Variants in POLR3H observed in about 807,000 individuals in gnomAD.
POLR3H encodes DNA-directed RNA polymerase III subunit RPC8.
Under a neutral mutation model 25.5 loss-of-function variants are expected in POLR3H, and 17 were observed. That is an observed-to-expected ratio of 0.67 (90% CI 0.46 to 1.00). The LOEUF is 1.00. Among genes scored for constraint, POLR3H ranks in the 50% least tolerant of loss-of-function variants. The pLI is 0.00. For missense variants in POLR3H, 274 were observed against 265.0 expected (o/e 1.03, Z -0.24); for synonymous variants, 129 against 103.0 (o/e 1.25, Z -1.53).
At position 41,526,095 on chromosome 22, in the gene POLR3H, G is replaced by C. The variant is rs1361842072; in HGVS notation, c.*3188C>G. ...CCTGGCCTGAGCCCATGTGGCCTTA[G>C]GGTGGAAGCACCAGGACCACAGAAC... On this transcript the variant is annotated 3_prime_UTR_variant, in exon 6 of 6. Transcript: ENST00000355209. The C allele has an allele frequency of 1.2e-5, 7 of 607,110 alleles. No homozygotes were observed. In the South Asian group the frequency reaches 1.3e-4, roughly 11 times the overall value. The allele number at this position is 607,110 out of a possible 1,614,324, so 37.6% of individuals were successfully genotyped here.
intron 3 of POLR3H, among the ~76,000 whole-genome samples, chr22:41,532,393 G>A (rs1379690989): frequency 6.6e-6 from 1 of 151,988 alleles, no homozygotes; most frequent in Non-Finnish European, 1.5e-5. Context: ...ACACAACAGG[G>A]GCCAGTGGGC....
At position 41,528,771 on chromosome 22, in the gene POLR3H, T is replaced by TG. The variant is rs1012160138; in HGVS notation, c.*511dup. On this transcript the variant is annotated 3_prime_UTR_variant, in exon 6 of 6. Transcript: ENST00000355209. ...GCCCACGGAGTGACTGTGGTTGTGGTGGGGGGGTTCTTAAAATAACTTTTT... is the reference window on the plus strand; with the variant it reads ...GCCCACGGAGTGACTGTGGTTGTGGTGGGGGGGGTTCTTAAAATAACTTTTT... 117 of 1,100,404 alleles carry TG rather than the reference T, an allele frequency of 1.1e-4. No individual in the cohort carries two copies. The highest frequency in any genetic ancestry group is 4.4e-4 in the East Asian group (16 of 36,526). The allele number at this position is 1,100,404 out of a possible 1,614,324, so 68.2% of individuals were successfully genotyped here. A position where few individuals can be genotyped will look rare whatever the true frequency, so the allele number is the denominator to read the frequency against.
In POLR3H at chr22:41,532,121, G is replaced by C; in HGVS notation, c.332C>G (p.Pro111Arg). ...LGFFDDILIPPESLQQPAKFD... is the reference protein window; with the variant it reads ...LGFFDDILIPRESLQQPAKFD... ...CTTGGCTGGCTGCTGCAGTGACTCT[G>C]GGGGGATGAGAATGTCATCGAAGAA... is the stretch of plus-strand genomic sequence containing the variant. Residue 111 changes from proline to arginine, a missense_variant, in exon 4 of 6, where the codon CCA becomes CGA. Coordinates refer to ENST00000355209, the MANE Select transcript of POLR3H (RefSeq NM_001018050.4). 2 of 1,613,960 alleles carry C rather than the reference G, an allele frequency of 1.2e-6. No homozygotes were observed. The highest frequency in any genetic ancestry group is 2.2e-5 in the South Asian group (2 of 91,080).
intron 5 of POLR3H, among the ~76,000 whole-genome samples, chr22:41,530,171 C>T (rs1187513763): frequency 6.6e-6 from 1 of 151,844 alleles, no homozygotes; most frequent in African/African-American, 2.4e-5. Context: ...ATTGTGTTGC[C>T]CAAGCTGTAA....
At chr22:41,530,105 ATTTC>A (rs2066697695) in intron 5 of POLR3H, among the ~76,000 whole-genome samples, 1 of 150,916 alleles carries the variant, frequency 6.6e-6, no homozygotes, top group Non-Finnish European at 1.5e-5. Context: ...CCCTTCCTTG[ATTTC>A]TTTCTCCCTC....
At chr22:41,534,645 A>G (rs1285953482) in intron 2 of POLR3H, among the ~76,000 whole-genome samples, 3 of 152,096 alleles carry the variant, frequency 2.0e-5, no homozygotes, top group Non-Finnish European at 4.4e-5. Context: ...TAATCCCAGC[A>G]CTTTGGGAGG....
rs912865034 is a variant in POLR3H at position 41,531,033 on chromosome 22, T to TGCA, written c.360-148_360-146dup. The TGCA allele has an allele frequency of 1.3e-5, 10 of 759,026 alleles. No homozygotes were observed. The African/African-American group carries it at 1.7e-4, about 13-fold the overall frequency. 47.0% of individuals were successfully genotyped at this position (759,026 alleles called of 1,614,324 possible). ...ACAGGAAAAGCAGGTCCCAGCCCCA[T>TGCA]GCACAAGGCCTGGGCCAAACAGAGA... On this transcript the variant is annotated intron_variant, in intron 4 of 5. Coordinates refer to ENST00000355209, the MANE Select transcript of POLR3H (RefSeq NM_001018050.4).
chr22:41,532,670 T>A lies in POLR3H; in HGVS notation c.284A>T (p.Glu95Val), dbSNP rs1331602467. Residue 95 changes from glutamate (E) to valine (V), a missense_variant, in exon 3 of 6, where the codon GAA (glutamate) becomes GTA (valine). Transcript: ENST00000355209. ...AGGGCCACTGTTACCGTGCACTCCT[T>A]CTGGGCTGCAGCCTTTGATCTTCCC... is the stretch of plus-strand genomic sequence containing the variant. ...LIGKIKGCSP[E>V]GVHVSLGFFD... is the part of the protein sequence containing the mutation. 1 of 1,613,964 alleles carries A rather than the reference T, an allele frequency of 6.2e-7. No homozygotes were observed. The highest frequency in any genetic ancestry group is 8.5e-7 in the Non-Finnish European group (1 of 1,179,974).
intron 2 of POLR3H, among the ~76,000 whole-genome samples, chr22:41,538,971 C>T (rs921867236): frequency 6.6e-6 from 1 of 152,196 alleles, no homozygotes; most frequent in African/African-American, 2.4e-5. Context: ...CTTGTTAAAA[C>T]AGTCTTTGGG....
intron 4 of POLR3H, 66 bp from the exon 5 acceptor site, chr22:41,530,954 C>T (rs2066718768): frequency 6.6e-7 from 1 of 1,510,506 alleles, no homozygotes. Context: ...CACCCACTCC[C>T]CGACCCCGCA....
rs1203317005 is a variant in POLR3H at position 41,526,634 on chromosome 22, C to A, written c.*2649G>T. ...CCCTGTGGCTGAGAAGGCATGAGGC[C>A]CAGGTCCGGTGGTACAGCCGGGTCC... is the stretch of plus-strand genomic sequence containing the variant. On this transcript the variant is annotated 3_prime_UTR_variant, in exon 6 of 6. Transcript: ENST00000355209. The A allele has an allele frequency of 1.7e-6, 1 of 594,920 alleles. No homozygotes were observed. Among genetic ancestry groups the A allele is most frequent in the East Asian group, 3.0e-5 (1 of 33,326 alleles). 36.9% of individuals were successfully genotyped at this position (594,920 alleles called of 1,614,324 possible).
rs201601310 is a variant in POLR3H at position 41,540,714 on chromosome 22, C to A, written c.193G>T (p.Ala65Ser). ...EDAYVFPGDG[A>S]SHTKVHFRCV... ...AGATACCCACCTTTGGTGTGTGATG[C>A]GCCATCCCCAGGGAATACATAGGCA... The change falls in exon 2 of 6, where the codon GCA becomes TCA. Residue 65 changes from alanine to serine, a missense_variant. Transcript: ENST00000355209. The A allele has an allele frequency of 3.1e-6, 5 of 1,612,970 alleles. No homozygotes were observed. Among genetic ancestry groups the A allele is most frequent in the Non-Finnish European group, 4.2e-6 (5 of 1,179,004 alleles).
In POLR3H at chr22:41,528,670, A is replaced by G; in HGVS notation, c.*613T>C. ...CAAGTTCAGCTCCACGTGTGCCATC[A>G]GTGGATCCGATCCGTCCAGCCATGG... On this transcript the variant is annotated 3_prime_UTR_variant, in exon 6 of 6. Coordinates refer to ENST00000355209, the MANE Select transcript of POLR3H (RefSeq NM_001018050.4). 2 of 1,593,944 alleles carry G rather than the reference A, an allele frequency of 1.3e-6. No individual in the cohort carries two copies. The highest frequency in any genetic ancestry group is 1.7e-6 in the Non-Finnish European group (2 of 1,172,974).
intron 1 of POLR3H, chr22:41,543,748 T>A: frequency 1.5e-6 from 1 of 662,056 alleles, no homozygotes; most frequent in East Asian, 3.1e-5. Flanking sequence ...GGTCAGTAAC[T>A]TGCCTGCAAT....
intron 5 of POLR3H, 108 bp downstream of exon 5, chr22:41,530,579 T>G (rs1270743664): frequency 9.4e-7 from 1 of 1,060,818 alleles, no homozygotes; most frequent in Non-Finnish European, 1.3e-6. Flanking sequence ...ACAGGATCCC[T>G]GACCTGCTGG....
Position 41,527,371 on chromosome 22 carries a change from C to T in POLR3H, c.*1912G>A. On this transcript the variant is annotated 3_prime_UTR_variant, in exon 6 of 6. Coordinates refer to ENST00000355209, the MANE Select transcript of POLR3H (RefSeq NM_001018050.4). ...GGGAGCATGCAGCTCTGGAGCCTCG[C>T]CACCTTGGGGGCCGGGCCATCATCA... The T allele has an allele frequency of 6.2e-7, 1 of 1,613,938 alleles. No homozygotes were observed. Among genetic ancestry groups the T allele is most frequent in the Non-Finnish European group, 8.5e-7 (1 of 1,179,992 alleles).
chr22:41,532,835 G>C (rs1258254553), intron 2 of POLR3H, 90 bp from the exon 3 acceptor site: 1 of 1,407,398 alleles, frequency 7.1e-7, no homozygotes, highest in Admixed American at 1.9e-5. Flanking sequence ...CTGGGGGCCT[G>C]TGTGGCTGCT....
At chr22:41,543,698 T>C in intron 1 of POLR3H, 1 of 542,926 alleles carries the variant, frequency 1.8e-6, no homozygotes, top group Non-Finnish European at 3.6e-6. Flanking sequence ...ACAGCAATAT[T>C]TTATCCCCAT....
At position 41,544,078 on chromosome 22, in the gene POLR3H, C is replaced by T; in HGVS notation, c.24G>A (p.Val8=). 7 of 1,612,868 alleles carry T rather than the reference C, an allele frequency of 4.3e-6. No individual in the cohort carries two copies. The highest frequency in any genetic ancestry group is 5.9e-6 in the Non-Finnish European group (7 of 1,178,990). Residue 8 remains valine (V), a synonymous_variant, in exon 1 of 6, where the codon GTG becomes GTA. Transcript: ENST00000355209. ...GCCAAGGGGGGATCCGGACGGTGTC[C>T]ACCATTTCCACCAGGACGAACATCC... The part of the protein sequence containing the change: MFVLVEM[V]DTVRIPPWQF...
Sources: gnomAD v4.1 joint callset for allele counts (sites outside exome capture counted in the v4.1 genomes callset) on GRCh38, gnomAD v4.1.1 for gene constraint, MANE v1.5 for transcripts, NCBI Gene and HGNC (gene_info 2026-07-23, HGNC 2026-07-21) for gene names.